UBE2Z: variants seen among roughly 807,000 people sequenced by gnomAD.
UBE2Z encodes the protein ubiquitin-conjugating enzyme E2 Z.
In UBE2Z, 10 loss-of-function variants were observed where a neutral mutation model predicts 32.6. That is an observed-to-expected ratio of 0.31 (90% CI 0.19 to 0.52). The LOEUF (loss-of-function observed/expected upper bound fraction) is 0.52. UBE2Z is among the 20% of genes least tolerant of loss of function. UBE2Z has a pLI of 0.97. For synonymous variants in UBE2Z, 183 were observed against 190.8 expected, an observed-to-expected ratio of 0.96 and a Z score of 0.34; for missense variants, 343 against 480.9, an observed-to-expected ratio of 0.71 and a Z score of 2.68.
chr17:48,923,721 G>C (rs1332274507), intron 6 of UBE2Z, among the ~76,000 whole-genome samples: 1 of 150,912 alleles, frequency 6.6e-6, no homozygotes, highest in African/African-American at 2.4e-5. Flanking sequence ...TACTTTCCTT[G>C]GTCAGTAGCC....
chr17:48,910,780 T>C lies in UBE2Z; in HGVS notation c.318-28T>C, dbSNP rs777667606. On this transcript the variant is annotated intron_variant, in intron 1 of 6. Transcript: ENST00000360943. ...CCCTTTCCCCCTCTTCCTCACTCCTTCCCCCACCTCCTCTTGGTGTTATAC... is the reference window on the plus strand; with the variant it reads ...CCCTTTCCCCCTCTTCCTCACTCCTCCCCCCACCTCCTCTTGGTGTTATAC... 3 of 1,570,374 alleles carry C rather than the reference T, an allele frequency of 1.9e-6. No homozygotes were observed. In the African/African-American group the frequency reaches 4.1e-5, roughly 21 times the overall value.
At chr17:48,909,679 AGAT>A (rs1225149113) in intron 1 of UBE2Z, among the ~76,000 whole-genome samples, 1 of 151,952 alleles carries the variant, frequency 6.6e-6, no homozygotes, top group Admixed American at 6.6e-5. Context: ...ATCATTTAGT[AGAT>A]GATGTTTTCC....
At chr17:48,916,054 A>C (rs1242421759) in intron 3 of UBE2Z, 22 bp from the exon 4 acceptor site, 1 of 1,549,066 alleles carries the variant, frequency 6.5e-7, no homozygotes, top group African/African-American at 1.4e-5. Flanking sequence ...CTCACCCTCC[A>C]TTCCTTCTGA....
intron 5 of UBE2Z, among the ~76,000 whole-genome samples, chr17:48,922,641 C>T (rs949170565): frequency 1.3e-5 from 2 of 151,904 alleles, no homozygotes; most frequent in Non-Finnish European, 2.9e-5. Flanking sequence ...GTGGCATATG[C>T]CTGTAATCCC....
At chr17:48,921,435 T>C (rs2040757839) in intron 5 of UBE2Z, among the ~76,000 whole-genome samples, 163 bp downstream of exon 5, 1 of 152,184 alleles carries the variant, frequency 6.6e-6, no homozygotes, top group South Asian at 2.1e-4. Flanking sequence ...CAAGAGGAAG[T>C]TCAGAGAGCT....
chr17:48,922,947 C>T lies in UBE2Z; in HGVS notation c.894+10C>T, dbSNP rs757374534. ...AGGCCAAACTATGCAGGTAATACAA[C>T]CCCTGCTGCTAATTGCAGAAGCCCT... On this transcript the variant is annotated intron_variant, in intron 6 of 6. Transcript: ENST00000360943. 1 of 1,604,382 alleles carries T rather than the reference C, an allele frequency of 6.2e-7. No individual in the cohort carries two copies. The highest frequency in any genetic ancestry group is 8.5e-7 in the Non-Finnish European group (1 of 1,174,118).
At chr17:48,909,739 CTT>C (rs1481587765) in intron 1 of UBE2Z, among the ~76,000 whole-genome samples, 5 of 152,104 alleles carry the variant, frequency 3.3e-5, no homozygotes, top group African/African-American at 1.2e-4. Flanking sequence ...GGGCAGTGCT[CTT>C]TAGCTATTAA....
At chr17:48,909,453 C>A (rs2040659284) in intron 1 of UBE2Z, among the ~76,000 whole-genome samples, 3 of 152,014 alleles carry the variant, frequency 2.0e-5, no homozygotes, top group Admixed American at 2.0e-4. Flanking sequence ...TACGCCTCTT[C>A]CAGAAACACA....
At chr17:48,915,841 T>A (rs2040714790) in intron 3 of UBE2Z, 2 of 440,576 alleles carry the variant, frequency 4.5e-6, no homozygotes, top group South Asian at 3.7e-5. Flanking sequence ...CAAAGTTACA[T>A]AGCTTGCTAT....
chr17:48,913,537 T>C (rs1259671057), intron 3 of UBE2Z, among the ~76,000 whole-genome samples: 1 of 152,210 alleles, frequency 6.6e-6, no homozygotes, highest in East Asian at 1.9e-4. Context: ...GTATCTTTAG[T>C]AGAGACGGAG....
rs760842830 is a variant in UBE2Z, at chr17:48,927,110, C to T, written c.1041C>T (p.Asp347=). The T allele has an allele frequency of 3.1e-6, 5 of 1,613,770 alleles. No homozygotes were observed. The highest frequency in any genetic ancestry group is 3.4e-6 in the Non-Finnish European group (4 of 1,179,876). The change falls in exon 7 of 7, where the codon GAC becomes GAT. Residue 347 remains aspartate, a synonymous_variant. Transcript: ENST00000360943. ...SDSSSSGTET[D]LHGSLRV is the part of the protein sequence containing the mutation. ...GCAGTTCATCTGGGACAGAGACAGA[C>T]CTTCATGGGAGCCTGAGGGTTTAGA...
chr17:48,910,556 G>A (rs1204795493), intron 1 of UBE2Z: 1 of 408,354 alleles, frequency 2.4e-6, no homozygotes, highest in African/African-American at 2.0e-5. Flanking sequence ...TGGGATCTCT[G>A]ATTTTTTTCC....
intron 1 of UBE2Z, 21 bp downstream of exon 1, chr17:48,908,841 C>A: frequency 6.8e-7 from 1 of 1,472,874 alleles, no homozygotes; most frequent in Non-Finnish European, 9.0e-7. Context: ...GTTTTTCCTC[C>A]CCCAGCCCCG....
At chr17:48,926,081 A>T (rs2040796158) in intron 6 of UBE2Z, among the ~76,000 whole-genome samples, 1 of 152,154 alleles carries the variant, frequency 6.6e-6, no homozygotes, top group African/African-American at 2.4e-5. Flanking sequence ...GGGATCTTTG[A>T]TCTAGAACAA....
chr17:48,925,240 A>G (rs899314981), intron 6 of UBE2Z, among the ~76,000 whole-genome samples: 2 of 151,066 alleles, frequency 1.3e-5, no homozygotes, highest in South Asian at 4.2e-4. Context: ...ACCCGAGATC[A>G]CGTTGCACTC....
chr17:48,908,621 C>T lies in UBE2Z; in HGVS notation c.118C>T (p.Pro40Ser). 1 of 1,234,702 alleles carries T rather than the reference C, an allele frequency of 8.1e-7. No individual in the cohort carries two copies. Among genetic ancestry groups the T allele is most frequent in the Non-Finnish European group, 1.0e-6 (1 of 986,710 alleles). 76.5% of individuals were successfully genotyped at this position (1,234,702 alleles called of 1,614,324 possible). The stretch of plus-strand genomic sequence containing the variant: ...CGGCAGCGGCGGCGGGTTCGGGCCG[C>T]CTTTCCTGCCGGATGTGTGGGCGGC... Reference protein sequence around the residue: ...VSGSGGGFGPPFLPDVWAAAA... With the variant: ...VSGSGGGFGPSFLPDVWAAAA... Residue 40 changes from proline (P) to serine (S), a missense_variant, in exon 1 of 7, where the codon CCT becomes TCT. By Grantham distance (74) the Pro-to-Ser change is moderately conservative. Transcript: ENST00000360943.
chr17:48,920,956 G>A (rs190916502), intron 4 of UBE2Z, among the ~76,000 whole-genome samples: 8 of 152,210 alleles, frequency 5.3e-5, no homozygotes, highest in Non-Finnish European at 1.0e-4. Context: ...CCTGTAACCT[G>A]TTGGTATATT....
At chr17:48,913,976 G>A (rs2040701054) in intron 3 of UBE2Z, among the ~76,000 whole-genome samples, 1 of 152,090 alleles carries the variant, frequency 6.6e-6, no homozygotes, top group Non-Finnish European at 1.5e-5. Context: ...TCCTCAAGCA[G>A]TCGTCCTCTT....
intron 3 of UBE2Z, 58 bp from the exon 4 acceptor site, chr17:48,916,018 G>A: frequency 8.2e-7 from 1 of 1,214,434 alleles, no homozygotes; most frequent in Non-Finnish European, 1.2e-6. Context: ...GGGCCCCAGG[G>A]TACTTGTTCC....
Sources: allele counts gnomAD v4.1 joint callset (sites outside exome capture counted in the v4.1 genomes callset), GRCh38; gene constraint gnomAD v4.1.1; transcripts MANE v1.5; gene names NCBI Gene and HGNC (gene_info 2026-07-23, HGNC 2026-07-21).